Variants in UNC13B observed in about 807,000 individuals in gnomAD.
UNC13B encodes the protein unc-13 homolog B, also known as protein unc-13 homolog B.
In UNC13B, 144 loss-of-function variants were observed where a neutral mutation model predicts 211.0. That is an observed-to-expected ratio of 0.68 (90% CI 0.60 to 0.78). The LOEUF (loss-of-function observed/expected upper bound fraction) is 0.78, where lower values mean the gene tolerates loss of function less well. UNC13B is among the 30% of genes least tolerant of loss of function. UNC13B has a pLI of 0.00. For synonymous variants in UNC13B, 709 were observed against 725.8 expected (o/e 0.98, Z 0.37); for missense variants, 1,777 against 2,002.0 (o/e 0.89, Z 2.14).
chr9:35,222,978 C>G (rs1449914493), intron 1 of UNC13B, among the ~76,000 whole-genome samples: 1 of 152,198 alleles, frequency 6.6e-6, no homozygotes, highest in Non-Finnish European at 1.5e-5. Context: ...GCTTATTTCA[C>G]TTAACATGAT....
Position 35,366,971 on chromosome 9 carries a change from C to T in UNC13B, c.9439C>T (p.Leu3147=). 1 of 1,614,044 alleles carries T rather than the reference C, an allele frequency of 6.2e-7. No homozygotes were observed. The highest frequency in any genetic ancestry group is 1.7e-4 in the Middle Eastern group (1 of 6,060). ...GATTCCAGATGATGGTGACCCCTCTCTGCCTCAGTGGCTCCCGGAAGGGTA... is the reference window on the plus strand; with the variant it reads ...GATTCCAGATGATGGTGACCCCTCTTTGCCTCAGTGGCTCCCGGAAGGGTA... The part of the protein sequence containing the change: ...QEIPDDGDPS[L]PQWLPEGPAG... Residue 3147 remains leucine (L), a synonymous_variant, in exon 12 of 40, where the codon CTG becomes TTG. Transcript: ENST00000635942.
chr9:35,269,213 C>T (rs1344901822), intron 7 of UNC13B, among the ~76,000 whole-genome samples: 1 of 152,140 alleles, frequency 6.6e-6, no homozygotes, highest in Non-Finnish European at 1.5e-5. Context: ...ACAAGCCCCT[C>T]CTCAGGTTCA....
chr9:35,287,202 G>T (rs1222894816), intron 7 of UNC13B, among the ~76,000 whole-genome samples: 1 of 148,818 alleles, frequency 6.7e-6, no homozygotes, highest in Admixed American at 6.8e-5. Flanking sequence ...GCATGATCAC[G>T]GCTCACTGCA....
At chr9:35,377,230 C>T (rs1000795175) in intron 15 of UNC13B, among the ~76,000 whole-genome samples, 2 of 152,168 alleles carry the variant, frequency 1.3e-5, no homozygotes, top group African/African-American at 2.4e-5. Flanking sequence ...ACAGAGTCAG[C>T]GGAAGAGATG....
chr9:35,256,398 G>A lies in UNC13B; in HGVS notation c.469-2595G>A, dbSNP rs1053243718. On this transcript the variant is annotated intron_variant, in intron 6 of 39. Coordinates refer to ENST00000635942, the MANE Select transcript of UNC13B (RefSeq NM_001371189.2). ...GTATAATTTTTAACATTGTAAGAGT[G>A]GAGAGCCTTGTCTGTCTTCTGACTG... is the stretch of plus-strand genomic sequence containing the variant. 3.3e-5 allele frequency among the ~76,000 whole-genome samples: 5 copies of A among 152,042 alleles called. No homozygotes were observed. The East Asian group carries it at 5.8e-4, about 18-fold the overall frequency.
Position 35,370,373 on chromosome 9 carries a change from C to G in UNC13B, c.9517C>G (p.Pro3173Ala), listed in dbSNP as rs756866010. ...CATGCCAGATTTACGCAGAAAGAAG[C>G]CACTGCCACTTGTCAGTGATCTGGT... ...DSMPDLRRKK[P>A]LPLVSDLSLV... The change falls in exon 13 of 40, where the codon CCA becomes GCA. Residue 3173 changes from proline to alanine, a missense_variant. Pro to Ala is a conservative substitution (Grantham distance 27, BLOSUM62 -1). Transcript: ENST00000635942. The G allele has an allele frequency of 1.9e-6, 3 of 1,613,918 alleles. No homozygotes were observed. The South Asian group carries it at 3.3e-5, about 18-fold the overall frequency.
chr9:35,191,020 C>T lies in UNC13B; in HGVS notation c.22+28715C>T, dbSNP rs187567983. The stretch of plus-strand genomic sequence containing the variant: ...TGTCGCCCAGGCTGGAGTGCAGTGG[C>T]GCCATCTCAGCTCACCGCAACTCCC... On this transcript the variant is annotated intron_variant, in intron 1 of 39. Coordinates refer to ENST00000635942, the MANE Select transcript of UNC13B (RefSeq NM_001371189.2). Among the ~76,000 whole-genome samples, 352 of 152,024 alleles carry T rather than the reference C, an allele frequency of 2.3e-3. 2 individuals carry two copies. The highest frequency in any genetic ancestry group is 7.7e-3 in the African/African-American group (319 of 41,446).
At chr9:35,189,738 C>T (rs11787587) in intron 1 of UNC13B, among the ~76,000 whole-genome samples, 28,053 of 152,108 alleles carry the variant, frequency 0.18, 2,933 homozygotes, top group Non-Finnish European at 0.24. Flanking sequence ...GGCGTGATCC[C>T]GGCTCACCGC....
intron 10 of UNC13B, among the ~76,000 whole-genome samples, chr9:35,312,851 A>G (rs971784054): frequency 1.3e-5 from 2 of 152,170 alleles, no homozygotes; most frequent in Non-Finnish European, 2.9e-5. Context: ...TGTATTGTTC[A>G]TTTTACTGAG....
At position 35,251,572 on chromosome 9, in the gene UNC13B, G is replaced by T. The variant is rs531223108; in HGVS notation, c.469-7421G>T. On this transcript the variant is annotated intron_variant, in intron 6 of 39. Coordinates refer to ENST00000635942, the MANE Select transcript of UNC13B (RefSeq NM_001371189.2). ...ACTGCACTCCAGGCTGAGTGACAGA[G>T]CGAGATTCCCTATCAAAAACAAAAA... Among the ~76,000 whole-genome samples, 6 of 152,184 alleles carry T rather than the reference G, an allele frequency of 3.9e-5. No individual in the cohort carries two copies. The East Asian group carries it at 1.2e-3, about 30-fold the overall frequency.
intron 5 of UNC13B, among the ~76,000 whole-genome samples, chr9:35,238,228 T>A (rs538675341): frequency 1.3e-5 from 2 of 152,340 alleles, no homozygotes; most frequent in South Asian, 4.1e-4. Context: ...GTAAATTAAA[T>A]CACAATACAT....
intron 11 of UNC13B, among the ~76,000 whole-genome samples, chr9:35,347,764 C>A (rs1478186630): frequency 6.6e-6 from 1 of 152,168 alleles, no homozygotes; most frequent in Non-Finnish European, 1.5e-5. Flanking sequence ...TTGAAAATTT[C>A]CTATTTGTCA....
chr9:35,254,994 T>A (rs1430863145), intron 6 of UNC13B, among the ~76,000 whole-genome samples: 3 of 109,030 alleles, frequency 2.8e-5, no homozygotes, highest in African/African-American at 3.7e-5. Context: ...ATGTATATAT[T>A]ATATTATATT....
At chr9:35,354,915 C>A (rs1055970501) in intron 11 of UNC13B, among the ~76,000 whole-genome samples, 4 of 152,160 alleles carry the variant, frequency 2.6e-5, no homozygotes, top group African/African-American at 9.7e-5. Flanking sequence ...CCTGCAGACA[C>A]ATTTTCACAT....
Position 35,305,340 on chromosome 9 carries a change from C to T in UNC13B, c.5936C>T (p.Ser1979Leu). Residue 1979 changes from serine (S) to leucine (L), a missense_variant, in exon 9 of 40, where the codon TCA (serine) becomes TTA (leucine). Physicochemically the swap from Ser to Leu is moderately radical, Grantham distance 145 (BLOSUM62 -2). Transcript: ENST00000635942. ...GAAAAGAAAGAATCTTCTGGTGTTT[C>T]AAATTTTTGGGGTACCCTTGGGGAT... The part of the protein sequence containing the change: ...PQEKKESSGV[S>L]NFWGTLGDFF... 5.0e-6 allele frequency: 2 copies of T among 398,866 alleles called. No homozygotes were observed. Among genetic ancestry groups the T allele is most frequent in the East Asian group, 7.1e-5 (2 of 28,066 alleles). The allele number at this position is 398,866 out of a possible 1,614,324, so 24.7% of individuals were successfully genotyped here.
intron 7 of UNC13B, among the ~76,000 whole-genome samples, chr9:35,282,783 CT>C (rs1234301882): frequency 6.6e-6 from 1 of 151,938 alleles, no homozygotes; most frequent in East Asian, 1.9e-4. Context: ...CCGTCTCTTG[CT>C]TTTTTTTCCT....
intron 7 of UNC13B, 35 bp from the exon 8 acceptor site, chr9:35,295,661 C>T (rs1249186874): frequency 6.3e-7 from 1 of 1,588,014 alleles, no homozygotes; most frequent in Non-Finnish European, 8.6e-7. Flanking sequence ...CTAAATAAAG[C>T]TGGGGTGCTT....
intron 1 of UNC13B, among the ~76,000 whole-genome samples, chr9:35,205,131 T>C (rs971276783): frequency 6.6e-6 from 1 of 152,202 alleles, no homozygotes; most frequent in Non-Finnish European, 1.5e-5. Context: ...ACTCTTTTCC[T>C]CCTGCTCTGG....
At chr9:35,251,207 G>A (rs559492202) in intron 6 of UNC13B, among the ~76,000 whole-genome samples, 125 of 151,924 alleles carry the variant, frequency 8.2e-4, no homozygotes, top group African/African-American at 2.8e-3. Flanking sequence ...CTCGTGATCC[G>A]CCCGCCTCGG....
Sources: gnomAD v4.1 joint callset for allele counts (sites outside exome capture counted in the v4.1 genomes callset) on GRCh38, gnomAD v4.1.1 for gene constraint, MANE v1.5 for transcripts, NCBI Gene and HGNC (gene_info 2026-07-23, HGNC 2026-07-21) for gene names.